Variants in USP9Y observed in about 807,000 individuals in gnomAD.
USP9Y encodes the protein ubiquitin specific peptidase 9 Y-linked.
A neutral mutation model predicts 53.1 loss-of-function variants in USP9Y; 41 were observed. The observed-to-expected ratio is 0.77, with a 90% CI of 0.60 to 1.00. The LOEUF is 1.00. Ranked by LOEUF, USP9Y falls within the 50% of genes least tolerant of loss-of-function variation. The pLI is 0.00. For synonymous variants in USP9Y, 220 were observed against 173.7 expected (o/e 1.27, Z -2.09); for missense variants, 567 against 535.8 (o/e 1.06, Z -0.58).
chrY:12,839,822 A>T, intron 35 of USP9Y, 42 bp from the exon 36 acceptor site: 1 of 366,410 alleles, frequency 2.7e-6, no homozygotes, highest in Non-Finnish European at 3.9e-6. Flanking sequence ...TTTCTGTTCT[A>T]GTTACAAGAG....
intron 33 of USP9Y, among the ~76,000 whole-genome samples, chrY:12,823,624 A>G (rs1603202486): frequency 3.0e-5 from 1 of 33,297 alleles, no homozygotes; most frequent in Non-Finnish European, 7.4e-5. Context: ...CTCAGAACCC[A>G]TGAGTGTATT....
chrY:12,769,974 A>G, intron 15 of USP9Y, among the ~76,000 whole-genome samples: 5 of 33,050 alleles, frequency 1.5e-4, no homozygotes, highest in Admixed American at 8.2e-4. Flanking sequence ...TATATATTTT[A>G]GTAGAGACCA....
At chrY:12,848,206 T>G (rs2053568726) in intron 42 of USP9Y, among the ~76,000 whole-genome samples, 1 of 33,902 alleles carries the variant, frequency 2.9e-5, no homozygotes, top group East Asian at 7.7e-4. Context: ...TGGTTTTGAT[T>G]TACATTTCTC....
chrY:12,774,240 A>C (rs2053489860), intron 17 of USP9Y, among the ~76,000 whole-genome samples: 1 of 32,903 alleles, frequency 3.0e-5, no homozygotes, highest in African/African-American at 1.2e-4. Flanking sequence ...AGGCAGGCAG[A>C]TCACAAGGTC....
intron 24 of USP9Y, among the ~76,000 whole-genome samples, chrY:12,788,447 A>G: frequency 2.9e-5 from 1 of 33,918 alleles, no homozygotes; most frequent in East Asian, 7.5e-4. Context: ...AGTAATTGAT[A>G]TTATGTATGT....
intron 33 of USP9Y, among the ~76,000 whole-genome samples, chrY:12,822,789 T>C (rs2053543085): frequency 2.9e-5 from 1 of 34,190 alleles, no homozygotes; most frequent in Admixed American, 2.7e-4. Flanking sequence ...ACCCTTTTAA[T>C]AGATTTTAGT....
intron 12 of USP9Y, among the ~76,000 whole-genome samples, chrY:12,745,784 G>C (rs777484788): frequency 4.4e-4 from 15 of 34,213 alleles, no homozygotes; most frequent in African/African-American, 1.7e-3. Flanking sequence ...TTGTTAGTCT[G>C]TAGCTAGCTC....
At chrY:12,833,886 G>A in intron 34 of USP9Y, 25 bp downstream of exon 34, 1 of 380,501 alleles carries the variant, frequency 2.6e-6, no homozygotes, top group South Asian at 3.2e-5. Flanking sequence ...TGTTTTTAAT[G>A]TATACTTCGT....
At chrY:12,816,006 T>G in intron 31 of USP9Y, 118 bp from the exon 32 acceptor site, 1 of 215,336 alleles carries the variant, frequency 4.6e-6, no homozygotes, top group African/African-American at 7.9e-5. Flanking sequence ...TTTAAAGTAC[T>G]GTTTCAAAGT....
chrY:12,811,837 T>A, intron 30 of USP9Y, 56 bp downstream of exon 30: 1 of 295,605 alleles, frequency 3.4e-6, no homozygotes, highest in Non-Finnish European at 5.0e-6. Flanking sequence ...TGGCCCAGAC[T>A]GGAGTGCAGT....
At chrY:12,779,772 T>C in intron 22 of USP9Y, 126 bp downstream of exon 22, 1 of 200,994 alleles carries the variant, frequency 5.0e-6, no homozygotes, top group Admixed American at 8.8e-5. Flanking sequence ...GTCTCTAATG[T>C]TGAACATGTG....
At chrY:12,821,293 T>C in intron 33 of USP9Y, among the ~76,000 whole-genome samples, 1 of 34,162 alleles carries the variant, frequency 2.9e-5, no homozygotes, top group South Asian at 6.4e-4. Flanking sequence ...ATGGCCTTTC[T>C]GTCTAGCTTC....
intron 27 of USP9Y, among the ~76,000 whole-genome samples, chrY:12,809,637 C>T (rs761090283): frequency 1.8e-4 from 6 of 33,196 alleles, no homozygotes; most frequent in Admixed American, 1.7e-3. Context: ...CTGATAATCA[C>T]GTTTGAGAAT....
chrY:12,809,222 T>TA (rs2053527493), intron 27 of USP9Y, among the ~76,000 whole-genome samples: 2 of 33,429 alleles, frequency 6.0e-5, no homozygotes, highest in African/African-American at 2.3e-4. Flanking sequence ...GTAAGGTTGT[T>TA]ACTGGCATCT....
chrY:12,720,996 C>T, intron 4 of USP9Y: 3 of 96,902 alleles, frequency 3.1e-5, no homozygotes, highest in Non-Finnish European at 4.1e-5. Context: ...ATTAATGATG[C>T]TTTATGAACC....
At chrY:12,800,774 AG>A (rs2053518376) in intron 27 of USP9Y, among the ~76,000 whole-genome samples, 1 of 33,915 alleles carries the variant, frequency 2.9e-5, no homozygotes, top group Non-Finnish European at 7.3e-5. Context: ...AAGAAATTAA[AG>A]AGTGTGTAAG....
At chrY:12,822,380 T>C (rs2053542411) in intron 33 of USP9Y, among the ~76,000 whole-genome samples, 1 of 31,232 alleles carries the variant, frequency 3.2e-5, no homozygotes, top group Non-Finnish European at 7.8e-5. Context: ...TCTTTTTTTT[T>C]TTTTTTCACA....
chrY:12,792,552 G>A, intron 26 of USP9Y, among the ~76,000 whole-genome samples: 1 of 34,227 alleles, frequency 2.9e-5, no homozygotes, highest in African/African-American at 1.1e-4. Context: ...TTCCGTTTTA[G>A]GAATAGTTGA....
At chrY:12,805,727 G>C (rs112309243) in intron 27 of USP9Y, among the ~76,000 whole-genome samples, 284 of 33,351 alleles carry the variant, frequency 8.5e-3, no homozygotes, top group African/African-American at 0.03. Flanking sequence ...TGTAAACCTT[G>C]AGATAGACTG....
Sources: gnomAD v4.1 joint callset for allele counts (sites outside exome capture counted in the v4.1 genomes callset) on GRCh38, gnomAD v4.1.1 for gene constraint, MANE v1.5 for transcripts, NCBI Gene and HGNC (gene_info 2026-07-23, HGNC 2026-07-21) for gene names.